The following GTPBP1 variants were observed in gnomAD, a reference collection of about 807,000 sequenced individuals.
GTPBP1 encodes GTP-binding protein 1.
GTPBP1 carries 23 observed loss-of-function variants against 62.0 expected under a neutral mutation model. The ratio of observed to expected loss-of-function variants is 0.37; its 90% CI spans 0.27 to 0.53. The LOEUF (loss-of-function observed/expected upper bound fraction) is 0.53. Among genes scored for constraint, GTPBP1 ranks in the 20% least tolerant of loss-of-function variants. The pLI is 0.89. For synonymous variants in GTPBP1, 344 were observed against 364.4 expected (o/e 0.94, Z 0.64); for missense variants, 640 against 917.3 (o/e 0.70, Z 3.90).
chr22:38,722,694 CTG>C, intron 5 of GTPBP1: 1 of 1,591,026 alleles, frequency 6.3e-7, no homozygotes, highest in African/African-American at 1.3e-5. Context: ...CAGGCTTCAA[CTG>C]TGTTTCTTCT....
chr22:38,742,193 G>A, downstream of GTPBP1: 1 of 1,378,106 alleles, frequency 7.3e-7, no homozygotes, highest in Non-Finnish European at 9.8e-7. Context: ...CTGCAAAATG[G>A]CAGAGCTGTC....
intron 4 of GTPBP1, among the ~76,000 whole-genome samples, chr22:38,721,306 G>A (rs978034823): frequency 5.3e-5 from 8 of 152,236 alleles, no homozygotes; most frequent in East Asian, 1.9e-4. Flanking sequence ...GCGAACTCCC[G>A]ACCTCAGGTG....
chr22:38,739,029 A>G, downstream of GTPBP1: 1 of 1,566,868 alleles, frequency 6.4e-7, no homozygotes, highest in Non-Finnish European at 8.7e-7. The surrounding 1 kb of genome is among the most constrained non-coding windows in gnomAD (Gnocchi z 6.7). Context: ...CCCGCACGGG[A>G]GGAGGGCCCC....
At chr22:38,728,209 A>G in intron 10 of GTPBP1, 48 bp downstream of exon 10, 1 of 1,355,128 alleles carries the variant, frequency 7.4e-7, no homozygotes, top group Non-Finnish European at 1.0e-6. Context: ...ACCAGGGGCC[A>G]CTCCTGTTCT....
downstream of GTPBP1, chr22:38,740,075 C>A (rs991792495): frequency 1.6e-6 from 2 of 1,243,998 alleles, no homozygotes; most frequent in Non-Finnish European, 2.2e-6. This position sits in a 1 kb window ranked among gnomAD's most constrained non-coding sequence, Gnocchi z 4.8. Context: ...GAGTTATGAA[C>A]ACTCCATGGG....
intron 6 of GTPBP1, 61 bp from the exon 7 acceptor site, chr22:38,725,945 G>A: frequency 1.3e-6 from 2 of 1,533,662 alleles, no homozygotes; most frequent in Non-Finnish European, 1.8e-6. Context: ...CTGTGTCAGG[G>A]CAGGACCTGG....
chr22:38,716,075 TC>T lies in GTPBP1; in HGVS notation c.475del (p.Leu159TrpfsTer5). ...CGGAAACGAGTAGGAGACAATGACT[TC>T]CTGGAGGTCAGGTGAGGAGGCCGCG... ...LVRKRVGDND[F>X]LEVRVAVVGN... On this transcript the variant is annotated frameshift_variant, in exon 3 of 12. Transcript: ENST00000216044. LOFTEE classifies it high-confidence loss of function. The surrounding 1 kb of genome is among the most constrained non-coding windows in gnomAD (Gnocchi z 5.2). The T allele has an allele frequency of 6.3e-7, 1 of 1,597,722 alleles. No homozygotes were observed. The highest frequency in any genetic ancestry group is 8.5e-7 in the Non-Finnish European group (1 of 1,172,052).
chr22:38,723,018 A>T, intron 5 of GTPBP1: 1 of 816,764 alleles, frequency 1.2e-6, no homozygotes, highest in South Asian at 1.3e-5. Flanking sequence ...AGTTTGCTCA[A>T]ATCTGACAAG....
chr22:38,740,169 G>T (rs1429781272), downstream of GTPBP1: 25 of 1,405,584 alleles, frequency 1.8e-5, no homozygotes, highest in Non-Finnish European at 2.3e-5. This position sits in a 1 kb window ranked among gnomAD's most constrained non-coding sequence, Gnocchi z 4.8. Flanking sequence ...GCATAACAGA[G>T]GCTGCAGGGG....
At chr22:38,725,881 G>A in intron 6 of GTPBP1, 125 bp from the exon 7 acceptor site, 1 of 853,856 alleles carries the variant, frequency 1.2e-6, no homozygotes, top group Non-Finnish European at 1.9e-6. Context: ...GTGAGGGAGA[G>A]GTGGAGTCAT....
In GTPBP1 at chr22:38,727,273, G is replaced by A. The variant is rs777198868; in HGVS notation, c.1462G>A (p.Ala488Thr). The A allele has an allele frequency of 6.2e-7, 1 of 1,602,690 alleles. No homozygotes were observed. The highest frequency in any genetic ancestry group is 8.5e-7 in the Non-Finnish European group (1 of 1,174,482). Reference protein sequence around the residue: ...VMVSPRLNPQASWEFEAEILV... With the variant: ...VMVSPRLNPQTSWEFEAEILV... ...GGTTTCCCCACGTTTGAATCCCCAA[G>A]CCTCCTGGGAGTTTGAGGCCGAGAT... Residue 488 changes from alanine (A) to threonine (T), a missense_variant, in exon 9 of 12, where the codon GCC (alanine) becomes ACC (threonine). By Grantham distance (58) the Ala-to-Thr change is moderately conservative. Coordinates refer to ENST00000216044, the MANE Select transcript of GTPBP1 (RefSeq NM_004286.5). The surrounding 1 kb of genome is among the most constrained non-coding windows in gnomAD (Gnocchi z 6.5).
chr22:38,710,182 CT>C, intron 2 of GTPBP1, among the ~76,000 whole-genome samples: 1 of 152,316 alleles, frequency 6.6e-6, no homozygotes, highest in East Asian at 1.9e-4. Flanking sequence ...GGTAATAATT[CT>C]TTTGTAGTTT....
chr22:38,717,145 C>T, intron 4 of GTPBP1, 145 bp downstream of exon 4: 3 of 607,888 alleles, frequency 4.9e-6, no homozygotes, highest in Admixed American at 2.9e-5. Context: ...TGCAGGGGTG[C>T]CCAGTCCTCT....
At chr22:38,740,037 A>G, downstream of GTPBP1, 1 of 1,412,404 alleles carries the variant, frequency 7.1e-7, no homozygotes, top group Admixed American at 2.0e-5. This position sits in a 1 kb window ranked among gnomAD's most constrained non-coding sequence, Gnocchi z 4.8. Flanking sequence ...TAGCAGGGAT[A>G]GGGTAGGAGG....
rs967092399 is a variant in GTPBP1 at position 38,732,426 on chromosome 22, C to T, written c.*1722C>T. ...TCCCTCACCAGCTGGTGACACGGGA[C>T]AAGCTTACAAACCTTCTCTGAACCT... On this transcript the variant is annotated 3_prime_UTR_variant, in exon 12 of 12. Transcript: ENST00000216044. The T allele has an allele frequency of 5.3e-5, 8 of 152,356 alleles. No homozygotes were observed. The highest frequency in any genetic ancestry group is 1.9e-4 in the African/African-American group (8 of 41,438). The allele number at this position is 152,356 out of a possible 1,614,324, so 9.4% of individuals were successfully genotyped here. A position where few individuals can be genotyped will look rare whatever the true frequency, so the allele number is the denominator to read the frequency against.
chr22:38,732,220 TAA>T lies in GTPBP1; in HGVS notation c.*1519_*1520del, dbSNP rs2092764614. On this transcript the variant is annotated 3_prime_UTR_variant, in exon 12 of 12. Coordinates refer to ENST00000216044, the MANE Select transcript of GTPBP1 (RefSeq NM_004286.5). Reference sequence around the variant, plus strand: ...GGACTGATCAGACCAGCATTCAAAATAAAAGTTTGTTCCAAGTTGACAGTGTG... The same window carrying T: ...GGACTGATCAGACCAGCATTCAAAATAAGTTTGTTCCAAGTTGACAGTGTG... 1 of 152,574 alleles carries T rather than the reference TAA, an allele frequency of 6.6e-6. No homozygotes were observed. Among genetic ancestry groups the T allele is most frequent in the Non-Finnish European group, 1.5e-5 (1 of 68,032 alleles). 9.5% of individuals were successfully genotyped at this position (152,574 alleles called of 1,614,324 possible).
downstream of GTPBP1, chr22:38,741,633 T>C: frequency 1.3e-6 from 2 of 1,484,422 alleles, no homozygotes; most frequent in Non-Finnish European, 1.9e-6. Context: ...CCCTCATGAC[T>C]AGGAAGTGGC....
chr22:38,721,690 G>A, intron 4 of GTPBP1, 52 bp from the exon 5 acceptor site: 1 of 1,563,590 alleles, frequency 6.4e-7, no homozygotes, highest in African/African-American at 1.4e-5. Context: ...TGTCCACCCA[G>A]CAGCAATCTC....
At chr22:38,738,093 GCAGGGTAAGTGCC>G, downstream of GTPBP1, 1 of 1,266,504 alleles carries the variant, frequency 7.9e-7, no homozygotes, top group Non-Finnish European at 1.2e-6. The surrounding 1 kb of genome is among the most constrained non-coding windows in gnomAD (Gnocchi z 6.6). Context: ...CCCATGCCTG[GCAGGGTAAGTGCC>G]CAGGGAGCAC....
Sources: gnomAD v4.1 joint callset for allele counts (sites outside exome capture counted in the v4.1 genomes callset) on GRCh38, gnomAD v4.1.1 for gene constraint, Gnocchi (gnomAD v3.1) non-coding constraint, MANE v1.5 for transcripts, NCBI Gene and HGNC (gene_info 2026-07-23, HGNC 2026-07-21) for gene names.